Variants in PTPRJ observed in about 807,000 individuals in gnomAD.
PTPRJ encodes protein tyrosine phosphatase receptor type J, also known as receptor-type tyrosine-protein phosphatase eta.
A neutral mutation model predicts 141.3 loss-of-function variants in PTPRJ; 129 were observed. The observed-to-expected ratio is 0.91, with a 90% CI of 0.79 to 1.06. The LOEUF (loss-of-function observed/expected upper bound fraction) is 1.06, where lower values mean the gene tolerates loss of function less well. Ranked by LOEUF, PTPRJ falls within the 50% of genes least tolerant of loss-of-function variation. The probability of loss-of-function intolerance (pLI) is 0.00; values close to 1 mark genes in which losing one functional copy is unlikely to be tolerated. For missense variants in PTPRJ, 1,601 were observed against 1,679.7 expected (o/e 0.95, Z 0.82); for synonymous variants, 610 against 640.5 (o/e 0.95, Z 0.72).
intron 19 of PTPRJ, among the ~76,000 whole-genome samples, chr11:48,155,327 C>T (rs1216781584): frequency 6.6e-6 from 1 of 152,084 alleles, no homozygotes. Context: ...TTTTGACTGC[C>T]CCTCACCAGA....
intron 21 of PTPRJ, among the ~76,000 whole-genome samples, chr11:48,157,888 T>C (rs10769318): frequency 0.98 from 149,663 of 152,362 alleles, 73,568 homozygotes; most frequent in Middle Eastern, 1. Flanking sequence ...TGCAGTGGCT[T>C]ACAGCTGTAA....
intron 1 of PTPRJ, among the ~76,000 whole-genome samples, chr11:48,035,538 C>CTTTTTTTTTTTTTTTTTTTTTTTTTTTTT (rs66504227): frequency 1.6e-5 from 1 of 61,740 alleles, no homozygotes. Flanking sequence ...CTTTCTTCTT[C>CTTTTTTTTTTTTTTTTTTTTTTTTTTTTT]TTTTTTTTTT....
rs1270172245 is a variant in PTPRJ at position 48,149,488 on chromosome 11, A to G, written c.3041A>G (p.Lys1014Arg). 1 of 1,493,780 alleles carries G rather than the reference A, an allele frequency of 6.7e-7. No individual in the cohort carries two copies. The highest frequency in any genetic ancestry group is 2.3e-5 in the East Asian group (1 of 43,124). The allele number at this position is 1,493,780 out of a possible 1,614,324, so 92.5% of individuals were successfully genotyped here. A position where few individuals can be genotyped will look rare whatever the true frequency, so the allele number is the denominator to read the frequency against. ...AATGAAGTGTCCTTTTCTCAAATTA[A>G]GTAAGTCTCTCAAATTATGAGCTTT... ...KNNEVSFSQI[K>R]PKKSKLIRVE... The change falls in exon 16 of 25, where the codon AAA becomes AGA. Residue 1014 changes from lysine to arginine, a missense_variant and splice_region_variant. By Grantham distance (26) the Lys-to-Arg change is conservative (BLOSUM62 2). Coordinates refer to ENST00000418331, the MANE Select transcript of PTPRJ (RefSeq NM_002843.4).
At chr11:48,109,455 T>C (rs543952956) in intron 1 of PTPRJ, among the ~76,000 whole-genome samples, 5 of 152,266 alleles carry the variant, frequency 3.3e-5, no homozygotes, top group Non-Finnish European at 7.4e-5. Context: ...CTTTAAGGCC[T>C]CTTGTGTGTC....
rs1458811647 is a variant in PTPRJ at position 48,158,852 on chromosome 11, T to C, written c.3439-1078T>C. 1.3e-5 allele frequency among the ~76,000 whole-genome samples: 2 copies of C among 152,012 alleles called. No individual in the cohort carries two copies. Among genetic ancestry groups the C allele is most frequent in the Non-Finnish European group, 2.9e-5 (2 of 67,986 alleles). On this transcript the variant is annotated intron_variant, in intron 21 of 24. Transcript: ENST00000418331. This position sits in a 1 kb window ranked among gnomAD's most constrained non-coding sequence, Gnocchi z 4.4. ...CTGTAGTCCAAACTCCTCTGGAAGC[T>C]GAGGTGGGAGGATCACTTGAGCCTG...
At chr11:47,998,162 G>A (rs1854392905) in intron 1 of PTPRJ, among the ~76,000 whole-genome samples, 1 of 150,542 alleles carries the variant, frequency 6.6e-6, no homozygotes, top group South Asian at 2.1e-4. Flanking sequence ...AGGTTTTTCT[G>A]AGACATCCAC....
At chr11:48,000,166 G>T (rs1325902573) in intron 1 of PTPRJ, among the ~76,000 whole-genome samples, 1 of 127,732 alleles carries the variant, frequency 7.8e-6, no homozygotes, top group Non-Finnish European at 1.7e-5. Flanking sequence ...TTTGAGATAG[G>T]GTCGTGTTCT....
chr11:48,055,421 T>A (rs935278713), intron 1 of PTPRJ, among the ~76,000 whole-genome samples: 2 of 152,084 alleles, frequency 1.3e-5, no homozygotes, highest in African/African-American at 4.8e-5. Flanking sequence ...ATCTCTGAGG[T>A]TAACATCCAG....
rs144201946 is a variant in PTPRJ, at chr11:48,120,776, C to G, written c.353-227C>G. ...AAGTCACAGCCAGCATGGTCAACTTCTGTCAGTTTTGCTTCTGTTCCAAAG... is the reference window on the plus strand; with the variant it reads ...AAGTCACAGCCAGCATGGTCAACTTGTGTCAGTTTTGCTTCTGTTCCAAAG... On this transcript the variant is annotated intron_variant, in intron 3 of 24. Coordinates refer to ENST00000418331, the MANE Select transcript of PTPRJ (RefSeq NM_002843.4). Among the ~76,000 whole-genome samples the G allele has an allele frequency of 3.5e-4, 53 of 152,256 alleles. No homozygotes were observed. In the East Asian group the frequency reaches 4.0e-3, roughly 12 times the overall value.
intron 1 of PTPRJ, among the ~76,000 whole-genome samples, chr11:48,076,956 C>T (rs562573240): frequency 3.3e-5 from 5 of 152,246 alleles, no homozygotes; most frequent in Admixed American, 2.0e-4. Context: ...CAACCTCCAC[C>T]TCCCCAGTTC....
intron 1 of PTPRJ, among the ~76,000 whole-genome samples, chr11:48,086,223 G>C (rs1855704595): frequency 6.6e-6 from 1 of 152,196 alleles, no homozygotes; most frequent in African/African-American, 2.4e-5. Flanking sequence ...GCCCAGGCTG[G>C]AGTGCAGTGG....
At chr11:48,134,867 T>C (rs1477730188) in intron 8 of PTPRJ, among the ~76,000 whole-genome samples, 3 of 152,208 alleles carry the variant, frequency 2.0e-5, no homozygotes, top group Non-Finnish European at 1.5e-5. Context: ...AGGGTGTGCC[T>C]GTTTTCTTCC....
At chr11:47,986,427 G>A (rs930995732) in intron 1 of PTPRJ, among the ~76,000 whole-genome samples, 6 of 152,212 alleles carry the variant, frequency 3.9e-5, no homozygotes, top group East Asian at 3.8e-4. Context: ...GAATTGCTAC[G>A]TAACACCTAA....
chr11:48,152,274 G>A lies in PTPRJ; in HGVS notation c.3139-1522G>A, dbSNP rs527821604. 3.4e-4 allele frequency among the ~76,000 whole-genome samples: 51 copies of A among 152,160 alleles called. 1 individual carries two copies. In the South Asian group the frequency reaches 3.7e-3, roughly 11 times the overall value. ...TGAGAAGTGTCTGTTCATATCCTTC[G>A]CCCACTTTTTGATGGGGTTGTTTGA... On this transcript the variant is annotated intron_variant, in intron 18 of 24. Coordinates refer to ENST00000418331, the MANE Select transcript of PTPRJ (RefSeq NM_002843.4).
At chr11:48,011,516 G>A (rs1854787705) in intron 1 of PTPRJ, among the ~76,000 whole-genome samples, 1 of 152,190 alleles carries the variant, frequency 6.6e-6, no homozygotes, top group Non-Finnish European at 1.5e-5. Flanking sequence ...CCAGTCTTAT[G>A]TGATTGGTGT....
chr11:48,040,376 G>A (rs1271615114), intron 1 of PTPRJ, among the ~76,000 whole-genome samples: 1 of 152,176 alleles, frequency 6.6e-6, no homozygotes, highest in African/African-American at 2.4e-5. Context: ...GTCTCCTTAT[G>A]TACACAGCTT....
intron 1 of PTPRJ, among the ~76,000 whole-genome samples, chr11:48,052,321 G>A (rs779268456): frequency 4.6e-5 from 7 of 152,240 alleles, no homozygotes; most frequent in Non-Finnish European, 1.0e-4. Flanking sequence ...ATGTGCAAGT[G>A]TGGTTCCCTT....
chr11:48,154,549 A>G (rs1294979757), intron 19 of PTPRJ, among the ~76,000 whole-genome samples: 1 of 152,150 alleles, frequency 6.6e-6, no homozygotes, highest in Admixed American at 6.5e-5. Flanking sequence ...TTGGGTGGGG[A>G]TTAGGGCACA....
At chr11:48,015,448 G>A (rs1197050301) in intron 1 of PTPRJ, among the ~76,000 whole-genome samples, 1 of 151,898 alleles carries the variant, frequency 6.6e-6, no homozygotes, top group Non-Finnish European at 1.5e-5. Context: ...CCTCCATCCC[G>A]CTTTATTATT....
Sources: gnomAD v4.1 joint callset for allele counts (sites outside exome capture counted in the v4.1 genomes callset) on GRCh38, gnomAD v4.1.1 for gene constraint, Gnocchi (gnomAD v3.1) non-coding constraint, MANE v1.5 for transcripts, NCBI Gene and HGNC (gene_info 2026-07-23, HGNC 2026-07-21) for gene names.